Variants in KIF1A observed in about 807,000 individuals in gnomAD.
KIF1A encodes kinesin family member 1A.
In KIF1A, 46 loss-of-function variants were observed where a neutral mutation model predicts 227.3. That is an observed-to-expected ratio of 0.20 (90% CI 0.16 to 0.26). The LOEUF (loss-of-function observed/expected upper bound fraction) is 0.26. Ranked by LOEUF, KIF1A falls within the 10% of genes least tolerant of loss-of-function variation. The probability of loss-of-function intolerance (pLI) is 1.00; values close to 1 mark genes in which losing one functional copy is unlikely to be tolerated. For synonymous variants in KIF1A, 1,022 were observed against 1,012.8 expected (o/e 1.01, Z -0.17); for missense variants, 1,683 against 2,485.9 (o/e 0.68, Z 6.87).
intron 10 of KIF1A, among the ~76,000 whole-genome samples, chr2:240,780,830 C>CCACACACACACACA (rs772178620): frequency 2.0e-4 from 2 of 10,078 alleles, no homozygotes; most frequent in Admixed American, 2.0e-3. Flanking sequence ...ACACACAGCT[C>CCACACACACACACA]CACACACACA....
At chr2:240,784,546 G>A (rs936889464) in intron 7 of KIF1A, among the ~76,000 whole-genome samples, 3 of 152,346 alleles carry the variant, frequency 2.0e-5, no homozygotes, top group Admixed American at 2.0e-4. Context: ...ATCAGGGACT[G>A]AGCAGCCCTC....
Position 240,725,321 on chromosome 2 carries a change from C to T in KIF1A, c.4206G>A (p.Ser1402=), listed in dbSNP as rs201656750. 310 of 1,610,774 alleles carry T rather than the reference C, an allele frequency of 1.9e-4. No homozygotes were observed. Among genetic ancestry groups the T allele is most frequent in the Middle Eastern group, 3.3e-4 (2 of 6,080 alleles). ...TGCCAAAGAGGTTGCGGATGGAGCG[C>T]GAGGCTGGCAGCTTGGCATCACGGG... ...FYSRDAKLPA[S]RSIRNLFGSG... The change falls in exon 40 of 49, where the codon TCG becomes TCA. Residue 1402 remains serine (S), a synonymous_variant. Coordinates refer to ENST00000498729, the MANE Select transcript of KIF1A (RefSeq NM_001244008.2). The surrounding 1 kb of genome is among the most constrained non-coding windows in gnomAD (Gnocchi z 5.8).
intron 10 of KIF1A, among the ~76,000 whole-genome samples, chr2:240,776,526 T>A (rs917912838): frequency 6.6e-6 from 1 of 152,184 alleles, no homozygotes; most frequent in South Asian, 2.1e-4. Flanking sequence ...GAATGAAGCA[T>A]CCTCCATGCT....
chr2:240,739,236 T>C lies in KIF1A; in HGVS notation c.3901+822A>G, dbSNP rs1238273863. ...TGTCTGGGGCAAGGCAGGGCTGGGC[T>C]GGCCTCATGCTAGTGACACACTTGA... On this transcript the variant is annotated intron_variant, in intron 37 of 48. Coordinates refer to ENST00000498729, the MANE Select transcript of KIF1A (RefSeq NM_001244008.2). This position sits in a 1 kb window ranked among gnomAD's most constrained non-coding sequence, Gnocchi z 5.6. Among the ~76,000 whole-genome samples the C allele has an allele frequency of 2.0e-5, 3 of 152,236 alleles. No homozygotes were observed. The highest frequency in any genetic ancestry group is 4.4e-5 in the Non-Finnish European group (3 of 68,042).
intron 29 of KIF1A, 136 bp downstream of exon 29, chr2:240,747,100 T>C (rs2048690613): frequency 3.2e-6 from 2 of 627,534 alleles, no homozygotes; most frequent in Non-Finnish European, 5.7e-6. Context: ...CTCAGTGCTC[T>C]GGACCAGAGG....
chr2:240,720,855 C>A, intron 45 of KIF1A, 59 bp downstream of exon 45: 1 of 1,489,998 alleles, frequency 6.7e-7, no homozygotes, highest in South Asian at 1.3e-5. Context: ...GAGTCACGGC[C>A]ATGGTCATGG....
intron 48 of KIF1A, among the ~76,000 whole-genome samples, chr2:240,717,828 C>A (rs530707895): frequency 6.0e-4 from 92 of 152,378 alleles, no homozygotes; most frequent in African/African-American, 2.2e-3. Flanking sequence ...CTTCCACTGG[C>A]CGCACTGCTT....
rs762176057 is a variant in KIF1A, at chr2:240,739,707, C to CAG, written c.3901+349_3901+350dup. Among the ~76,000 whole-genome samples, 67 of 152,018 alleles carry CAG rather than the reference C, an allele frequency of 4.4e-4. No individual in the cohort carries two copies. The highest frequency in any genetic ancestry group is 1.3e-3 in the African/African-American group (53 of 41,358). On this transcript the variant is annotated intron_variant, in intron 37 of 48. Coordinates refer to ENST00000498729, the MANE Select transcript of KIF1A (RefSeq NM_001244008.2). The surrounding 1 kb of genome is among the most constrained non-coding windows in gnomAD (Gnocchi z 5.6). ...GGGAGGGATTTTCCCCAACAGGTTT[C>CAG]AGAGAGAGAGAGCGCGCCTCTTGCC...
chr2:240,717,299 C>T lies in KIF1A; in HGVS notation c.*65G>A, dbSNP rs1248734858. 2.7e-6 allele frequency: 4 copies of T among 1,482,106 alleles called. No homozygotes were observed. The highest frequency in any genetic ancestry group is 2.8e-5 in the African/African-American group (2 of 72,392). 91.8% of individuals were successfully genotyped at this position (1,482,106 alleles called of 1,614,324 possible). ...AGGAGAGGGGCTGGGCGGCAGGTGACAGGACAGACGAGGATGAGGGAGGGG... is the reference window on the plus strand; with the variant it reads ...AGGAGAGGGGCTGGGCGGCAGGTGATAGGACAGACGAGGATGAGGGAGGGG... On this transcript the variant is annotated 3_prime_UTR_variant, in exon 49 of 49. Coordinates refer to ENST00000498729, the MANE Select transcript of KIF1A (RefSeq NM_001244008.2).
intron 17 of KIF1A, 70 bp from the exon 18 acceptor site, chr2:240,767,415 C>G: frequency 7.8e-7 from 1 of 1,285,782 alleles, no homozygotes; most frequent in South Asian, 1.2e-5. Context: ...CACCCCCCTC[C>G]AACCTCTCTC....
chr2:240,781,741 C>T, intron 10 of KIF1A: 1 of 984,434 alleles, frequency 1.0e-6, no homozygotes, highest in South Asian at 4.7e-5. Flanking sequence ...CCCGTTCCCA[C>T]ACAGTTCCCC....
intron 6 of KIF1A, 42 bp from the exon 7 acceptor site, chr2:240,785,142 G>A: frequency 6.5e-7 from 1 of 1,527,218 alleles, no homozygotes; most frequent in Non-Finnish European, 9.0e-7. Context: ...CTCGTCCTGT[G>A]GCCGGGTGCG....
In KIF1A at chr2:240,719,002, G is replaced by A. The variant is rs1173881899; in HGVS notation, c.5214+4C>T. On this transcript the variant is annotated splice_donor_region_variant and intron_variant, in intron 47 of 48. Coordinates refer to ENST00000498729, the MANE Select transcript of KIF1A (RefSeq NM_001244008.2). ...GCCCGAGCCTGAGCCGGGCCCAGCC[G>A]CACCTTGAGCATAGCCTGCTGGTCC... 6 of 1,596,828 alleles carry A rather than the reference G, an allele frequency of 3.8e-6. No homozygotes were observed. Among genetic ancestry groups the A allele is most frequent in the Non-Finnish European group, 5.1e-6 (6 of 1,167,614 alleles).
At chr2:240,762,545 C>A (rs1200905041) in intron 23 of KIF1A, among the ~76,000 whole-genome samples, 174 bp downstream of exon 23, 1 of 152,242 alleles carries the variant, frequency 6.6e-6, no homozygotes, top group East Asian at 1.9e-4. Flanking sequence ...TCCCCCCTCC[C>A]CCAATGCTGC....
Position 240,788,275 on chromosome 2 carries a change from C to T in KIF1A, c.184-45G>A. The T allele has an allele frequency of 6.3e-7, 1 of 1,585,348 alleles. No homozygotes were observed. The highest frequency in any genetic ancestry group is 8.6e-7 in the Non-Finnish European group (1 of 1,157,714). On this transcript the variant is annotated intron_variant, in intron 3 of 48. Transcript: ENST00000498729. The surrounding 1 kb of genome is among the most constrained non-coding windows in gnomAD (Gnocchi z 6.6). ...TGAAGTTGCAGGAGGCTGGGTGCAT[C>T]CGAGGCTCAGCCCATCATGTCTGCG...
intron 38 of KIF1A, chr2:240,728,558 C>T (rs1271685918): frequency 2.0e-6 from 1 of 490,904 alleles, no homozygotes; most frequent in Non-Finnish European, 3.9e-6. Flanking sequence ...GCTCTCGCTG[C>T]ACACAGGGCT....
At chr2:240,771,482 G>T (rs1007756105) in intron 14 of KIF1A, among the ~76,000 whole-genome samples, 2 of 152,092 alleles carry the variant, frequency 1.3e-5, no homozygotes, top group Non-Finnish European at 2.9e-5. Context: ...CCTGCGCCAG[G>T]CTTCTTGCTT....
chr2:240,716,009 T>C lies in KIF1A; in HGVS notation c.*1355A>G, dbSNP rs951622507. On this transcript the variant is annotated 3_prime_UTR_variant, in exon 49 of 49. Transcript: ENST00000498729. ...CCTAGGCCTCTGGACATGACTCCTA[T>C]GACCAGACTCTCAGCTTGGGGCTGA... is the stretch of plus-strand genomic sequence containing the variant. 1.3e-5 allele frequency: 2 copies of C among 152,284 alleles called. No individual in the cohort carries two copies. The highest frequency in any genetic ancestry group is 2.9e-5 in the Non-Finnish European group (2 of 68,040). 9.4% of individuals were successfully genotyped at this position (152,284 alleles called of 1,614,324 possible). A position where few individuals can be genotyped will look rare whatever the true frequency, so the allele number is the denominator to read the frequency against.
intron 37 of KIF1A, 114 bp from the exon 38 acceptor site, chr2:240,737,282 G>A (rs1224083737): frequency 8.6e-6 from 7 of 813,416 alleles, no homozygotes; most frequent in South Asian, 1.4e-5. Context: ...GGTCACTAGA[G>A]CGTCTGTCAA....
Sources: allele counts gnomAD v4.1 joint callset (sites outside exome capture counted in the v4.1 genomes callset), GRCh38; gene constraint gnomAD v4.1.1; non-coding constraint Gnocchi (gnomAD v3.1); transcripts MANE v1.5; gene names NCBI Gene and HGNC (gene_info 2026-07-23, HGNC 2026-07-21).